Variants in PM20D1 observed in about 807,000 individuals in gnomAD.
PM20D1 encodes N-fatty-acyl-amino acid synthase/hydrolase PM20D1.
PM20D1 carries 53 observed loss-of-function variants against 53.8 expected under a neutral mutation model. The observed-to-expected ratio is 0.98, with a 90% CI of 0.79 to 1.24. PM20D1 has a LOEUF of 1.24. Among genes scored for constraint, PM20D1 ranks in the 50% most tolerant of loss-of-function variants. The probability of loss-of-function intolerance (pLI) is 0.00; values close to 1 mark genes in which losing one functional copy is unlikely to be tolerated. For synonymous variants in PM20D1, 239 were observed against 241.3 expected (o/e 0.99, Z 0.09); for missense variants, 564 against 616.8 (o/e 0.91, Z 0.91).
In PM20D1 at chr1:205,843,677, C is replaced by G; in HGVS notation, c.817G>C (p.Ala273Pro). 1 of 1,613,724 alleles carries G rather than the reference C, an allele frequency of 6.2e-7. No homozygotes were observed. The highest frequency in any genetic ancestry group is 2.2e-5 in the East Asian group (1 of 44,882). ...KETSIGILAA[A>P]VSRLEQTPMP... ...CCAGGAGTTGCTTACCGGCTGACAGCAGCTGCAAGGATGCCAATGCTTGTC... is the reference window on the plus strand; with the variant it reads ...CCAGGAGTTGCTTACCGGCTGACAGGAGCTGCAAGGATGCCAATGCTTGTC... Residue 273 changes from alanine (A) to proline (P), a missense_variant, in exon 6 of 13, where the codon GCT becomes CCT. By Grantham distance (27) the Ala-to-Pro change is conservative. Coordinates refer to ENST00000367136, the MANE Select transcript of PM20D1 (RefSeq NM_152491.5).
Position 205,842,672 on chromosome 1 carries a change from A to G in PM20D1, c.903+4T>C. 1.2e-6 allele frequency: 2 copies of G among 1,613,800 alleles called. No homozygotes were observed. Among genetic ancestry groups the G allele is most frequent in the South Asian group, 2.2e-5 (2 of 91,072 alleles). On this transcript the variant is annotated splice_donor_region_variant and intron_variant, in intron 7 of 12. Transcript: ENST00000367136. ...TTAGGAGTATGTGATACTTCTTCCC[A>G]TACCTCATTTGCCAGTTGCTGCAAT...
chr1:205,832,837 TC>T, intron 10 of PM20D1, 71 bp from the exon 11 acceptor site: 1 of 1,456,282 alleles, frequency 6.9e-7, no homozygotes, highest in Non-Finnish European at 9.2e-7. Context: ...GGCTTAAATA[TC>T]CTGATTTCTT....
intron 1 of PM20D1, among the ~76,000 whole-genome samples, chr1:205,848,556 C>G (rs1456871881): frequency 2.0e-5 from 3 of 152,186 alleles, no homozygotes; most frequent in African/African-American, 7.2e-5. Flanking sequence ...CTAAAATAAT[C>G]TCACCCTCCT....
intron 10 of PM20D1, among the ~76,000 whole-genome samples, chr1:205,833,066 C>T (rs537261288): frequency 6.6e-6 from 1 of 152,202 alleles, no homozygotes; most frequent in Non-Finnish European, 1.5e-5. Flanking sequence ...GCAATCAAAC[C>T]AACGAAGTGG....
In PM20D1 at chr1:205,843,656, G is replaced by A. The variant is rs752111694; in HGVS notation, c.827+11C>T. On this transcript the variant is annotated intron_variant, in intron 6 of 12. Coordinates refer to ENST00000367136, the MANE Select transcript of PM20D1 (RefSeq NM_152491.5). ...AAGTCTGGCATGGGAACAGGGCCAG[G>A]AGTTGCTTACCGGCTGACAGCAGCT... The A allele has an allele frequency of 1.2e-6, 2 of 1,612,586 alleles. No individual in the cohort carries two copies. Among genetic ancestry groups the A allele is most frequent in the South Asian group, 2.2e-5 (2 of 90,816 alleles).
intron 9 of PM20D1, 90 bp downstream of exon 9, chr1:205,841,718 CAGA>C: frequency 7.8e-7 from 1 of 1,284,758 alleles, no homozygotes; most frequent in East Asian, 2.5e-5. Context: ...CTGACACACA[CAGA>C]AGGAAGGAAG....
rs368139675 is a variant in PM20D1 at position 205,843,747 on chromosome 1, C to A, written c.747G>T (p.Leu249=). The A allele has an allele frequency of 1.2e-6, 2 of 1,613,972 alleles. No homozygotes were observed. The highest frequency in any genetic ancestry group is 1.7e-6 in the Non-Finnish European group (2 of 1,180,016). ...VSEKGSMNLM[L]QVNMTSGHSS... ...AGTGGCCTGAAGTCATGTTTACTTG[C>A]AGCATGAGGTTCATGGAACCCTTCT... The change falls in exon 6 of 13, where the codon CTG becomes CTT. Residue 249 remains leucine (L), a synonymous_variant. Coordinates refer to ENST00000367136, the MANE Select transcript of PM20D1 (RefSeq NM_152491.5).
At chr1:205,832,842 A>G in intron 10 of PM20D1, 76 bp from the exon 11 acceptor site, 1 of 1,446,546 alleles carries the variant, frequency 6.9e-7, no homozygotes, top group East Asian at 2.5e-5. Flanking sequence ...AAATATCCTG[A>G]TTTCTTTCCA....
In PM20D1 at chr1:205,842,268, C is replaced by T. The variant is rs1656829636; in HGVS notation, c.904-53G>A. The T allele has an allele frequency of 2.4e-5, 36 of 1,496,482 alleles. No individual in the cohort carries two copies. In the South Asian group the frequency reaches 4.1e-4, roughly 17 times the overall value. The allele number at this position is 1,496,482 out of a possible 1,614,324, so 92.7% of individuals were successfully genotyped here. A position where few individuals can be genotyped will look rare whatever the true frequency, so the allele number is the denominator to read the frequency against. On this transcript the variant is annotated intron_variant, in intron 7 of 12. Coordinates refer to ENST00000367136, the MANE Select transcript of PM20D1 (RefSeq NM_152491.5). The stretch of plus-strand genomic sequence containing the variant: ...GGGTCACCTCTAGTTTAGCCTGGGT[C>T]TCTGAGACCTGAGTCTCTCTCTACT...
intron 10 of PM20D1, among the ~76,000 whole-genome samples, chr1:205,839,910 C>CA (rs567749262): frequency 0.017 from 965 of 58,068 alleles, 110 homozygotes; most frequent in South Asian, 0.037. Flanking sequence ...GACTCTGACT[C>CA]AAAAAAAAAA....
intron 10 of PM20D1, among the ~76,000 whole-genome samples, chr1:205,836,701 C>G (rs1656694296): frequency 6.6e-6 from 1 of 152,116 alleles, no homozygotes; most frequent in Admixed American, 6.5e-5. Context: ...TAGGGTCTCA[C>G]TGTGTTGTCC....
chr1:205,844,037 A>C (rs1656881787), intron 5 of PM20D1, 50 bp downstream of exon 5: 1 of 1,572,314 alleles, frequency 6.4e-7, no homozygotes, highest in Admixed American at 1.8e-5. Context: ...GGGTCATCTC[A>C]AATGGGGTGA....
intron 10 of PM20D1, among the ~76,000 whole-genome samples, chr1:205,834,574 G>A (rs1236138812): frequency 6.6e-6 from 1 of 152,182 alleles, no homozygotes; most frequent in African/African-American, 2.4e-5. Context: ...TCCTGCTATT[G>A]GATGGGCAAA....
At chr1:205,839,910 CAAAAAAAAAAA>C (rs567749262) in intron 10 of PM20D1, among the ~76,000 whole-genome samples, 47 of 58,090 alleles carry the variant, frequency 8.1e-4, no homozygotes, top group South Asian at 4.3e-3. Flanking sequence ...GACTCTGACT[CAAAAAAAAAAA>C]AAAAAAAAAA....
intron 2 of PM20D1, 127 bp downstream of exon 2, chr1:205,847,758 C>T: frequency 1.4e-6 from 1 of 736,306 alleles, no homozygotes. Context: ...ACAGTCTCTA[C>T]TCTGCCTATG....
rs772573163 is a variant in PM20D1, at chr1:205,844,112, G to T, written c.682C>A (p.Pro228Thr). 3.1e-6 allele frequency: 5 copies of T among 1,613,472 alleles called. No individual in the cohort carries two copies. The highest frequency in any genetic ancestry group is 8.5e-7 in the Non-Finnish European group (1 of 1,179,836). The change falls in exon 5 of 13, where the codon CCT becomes ACT. Residue 228 changes from proline (P) to threonine (T), a missense_variant. Physicochemically the swap from Pro to Thr is conservative, Grantham distance 38. Transcript: ENST00000367136. Reference sequence around the variant, plus strand: ...AAGGCGATGGGCTTCTTGAAGTTAGGAATGAAATCATCCAAGATGAAGCCC... The same window carrying T: ...AAGGCGATGGGCTTCTTGAAGTTAGTAATGAAATCATCCAAGATGAAGCCC... ...EGGFILDDFI[P>T]NFKKPIALIA...
chr1:205,832,240 C>T (rs879803983), intron 11 of PM20D1, among the ~76,000 whole-genome samples: 1 of 152,166 alleles, frequency 6.6e-6, no homozygotes, highest in African/African-American at 2.4e-5. Context: ...CTGAGCTCTC[C>T]TGCTGAGCTG....
In PM20D1 at chr1:205,844,167, G is replaced by GC. The variant is rs766081234; in HGVS notation, c.626dup (p.Val210ArgfsTer16). The GC allele has an allele frequency of 3.1e-6, 5 of 1,613,986 alleles. 1 individual carries two copies. The South Asian group carries it at 5.5e-5, about 18-fold the overall frequency. ...CGTCCACAATGAAGGCTAGCTGGAC[G>GC]CCCCTTGACTGTAGCAGGGCTGAGA... is the stretch of plus-strand genomic sequence containing the variant. On this transcript the variant is annotated frameshift_variant, in exon 5 of 13. Transcript: ENST00000367136. LOFTEE classifies it high-confidence loss of function.
chr1:205,842,249 C>G, intron 7 of PM20D1, 34 bp from the exon 8 acceptor site: 1 of 1,580,910 alleles, frequency 6.3e-7, no homozygotes, highest in Non-Finnish European at 8.7e-7. Flanking sequence ...CACAGGGTCA[C>G]CTCTAGTTTA....
Sources: allele counts gnomAD v4.1 joint callset (sites outside exome capture counted in the v4.1 genomes callset), GRCh38; gene constraint gnomAD v4.1.1; transcripts MANE v1.5; gene names NCBI Gene and HGNC (gene_info 2026-07-23, HGNC 2026-07-21).